Variants in FBXL3 observed in about 807,000 individuals in gnomAD.
FBXL3 encodes the protein F-box/LRR-repeat protein 3.
In FBXL3, 14 loss-of-function variants were observed where a neutral mutation model predicts 37.9. That is an observed-to-expected ratio of 0.37 (90% CI 0.24 to 0.58). FBXL3 has a LOEUF of 0.58. FBXL3 is among the 20% of genes least tolerant of loss of function. FBXL3 has a pLI of 0.74. For synonymous variants in FBXL3, 194 were observed against 180.1 expected, an observed-to-expected ratio of 1.08 and a Z score of -0.62; for missense variants, 327 against 511.1, an observed-to-expected ratio of 0.64 and a Z score of 3.47.
At chr13:77,022,959 A>G (rs1216698959) in intron 1 of FBXL3, among the ~76,000 whole-genome samples, 1 of 152,194 alleles carries the variant, frequency 6.6e-6, no homozygotes, top group Non-Finnish European at 1.5e-5. Flanking sequence ...TTAATAAAAC[A>G]GGGTTTCTGT....
At chr13:77,025,569 T>C (rs1197748145) in intron 1 of FBXL3, among the ~76,000 whole-genome samples, 3 of 150,766 alleles carry the variant, frequency 2.0e-5, no homozygotes, top group Non-Finnish European at 4.4e-5. Context: ...AAAAATTAGC[T>C]GGGCATGGTG....
chr13:77,016,263 G>A (rs1401827512), intron 3 of FBXL3: 3 of 151,966 alleles, frequency 2.0e-5, no homozygotes, highest in Admixed American at 2.0e-4. Flanking sequence ...ACACACACAC[G>A]TTATATATCT....
intron 3 of FBXL3, 177 bp downstream of exon 3, chr13:77,018,423 A>T (rs1370289945): frequency 9.7e-3 from 109 of 11,232 alleles, no homozygotes; most frequent in African/African-American, 0.071. Flanking sequence ...TGGTGATTTA[A>T]AAAAAAAAAA....
intron 2 of FBXL3, among the ~76,000 whole-genome samples, chr13:77,019,841 T>TA (rs766215711): frequency 6.3e-4 from 93 of 147,398 alleles, no homozygotes; most frequent in East Asian, 4.5e-3. Flanking sequence ...TCAGGAAAAT[T>TA]AAAAAAAAAA....
At chr13:77,015,736 A>G (rs1196020537) in intron 3 of FBXL3, 156 bp from the exon 4 acceptor site, 3 of 425,726 alleles carry the variant, frequency 7.0e-6, no homozygotes, top group Admixed American at 8.8e-5. Context: ...TGTTGGGAAT[A>G]TGGTAAAAAT....
chr13:77,026,593 G>C (rs2034843334), intron 1 of FBXL3, among the ~76,000 whole-genome samples: 1 of 152,098 alleles, frequency 6.6e-6, no homozygotes. Flanking sequence ...CACGCACCAC[G>C]CCTTGTTGAC....
At chr13:77,025,197 G>A (rs1026228632) in intron 1 of FBXL3, among the ~76,000 whole-genome samples, 5 of 152,130 alleles carry the variant, frequency 3.3e-5, no homozygotes, top group African/African-American at 1.2e-4. Flanking sequence ...ACTATAAAAC[G>A]TCAATGAGAC....
intron 4 of FBXL3, chr13:77,013,989 T>C (rs186802097): frequency 6.6e-5 from 10 of 152,312 alleles, no homozygotes; most frequent in Admixed American, 1.3e-4. Context: ...TAAAGACTCA[T>C]ACAATGTGTT....
intron 1 of FBXL3, among the ~76,000 whole-genome samples, chr13:77,022,976 T>C (rs906639886): frequency 6.6e-6 from 1 of 152,156 alleles, no homozygotes; most frequent in Non-Finnish European, 1.5e-5. Context: ...CTGTGAGAAA[T>C]GCAATACTAT....
chr13:77,018,999 TAA>T (rs1479546386), intron 2 of FBXL3: 1 of 256,080 alleles, frequency 3.9e-6, no homozygotes, highest in African/African-American at 2.2e-5. Flanking sequence ...TTCATTATGA[TAA>T]GAGACATATT....
intron 1 of FBXL3, among the ~76,000 whole-genome samples, chr13:77,025,805 A>G (rs541953409): frequency 2.4e-4 from 37 of 152,122 alleles, no homozygotes; most frequent in Non-Finnish European, 5.1e-4. Flanking sequence ...TGGGCATGCA[A>G]TAATTTTAAA....
intron 4 of FBXL3, chr13:77,011,047 A>T (rs1468857868): frequency 6.6e-6 from 1 of 152,230 alleles, no homozygotes; most frequent in Non-Finnish European, 1.5e-5. Context: ...AAATTAGAAA[A>T]TAGGCAAAGG....
At chr13:77,026,236 A>C in intron 1 of FBXL3, 6 of 985,374 alleles carry the variant, frequency 6.1e-6, no homozygotes, top group Non-Finnish European at 6.0e-6. Context: ...AACCCCACCT[A>C]AAGGACTGCC....
intron 1 of FBXL3, among the ~76,000 whole-genome samples, chr13:77,023,345 A>AGTGTGTGTGTGT (rs3037568): frequency 3.4e-5 from 5 of 147,502 alleles, no homozygotes; most frequent in Admixed American, 2.0e-4. Flanking sequence ...AGAGAGAGAG[A>AGTGTGTGTGTGT]GTGTGTGTGT....
At chr13:77,023,879 G>A (rs958111930) in intron 1 of FBXL3, among the ~76,000 whole-genome samples, 2 of 152,238 alleles carry the variant, frequency 1.3e-5, no homozygotes, top group Non-Finnish European at 2.9e-5. Flanking sequence ...GAGGGCTGGA[G>A]AGTAAAAAGA....
intron 4 of FBXL3, chr13:77,009,804 GT>G (rs1169096262): frequency 6.6e-6 from 1 of 152,146 alleles, no homozygotes; most frequent in African/African-American, 2.4e-5. Flanking sequence ...ACATGCCCAT[GT>G]ATGTTTACTG....
chr13:77,017,064 A>G (rs538434951), intron 3 of FBXL3: 2 of 89,158 alleles, frequency 2.2e-5, no homozygotes, highest in African/African-American at 5.3e-5. Context: ...GGACAAAAAC[A>G]TTTCTTCTAT....
At chr13:77,011,648 AG>A in intron 4 of FBXL3, among the ~76,000 whole-genome samples, 1 of 150,474 alleles carries the variant, frequency 6.6e-6, no homozygotes, top group East Asian at 2.0e-4. Flanking sequence ...GTTTAAGCCC[AG>A]GAGGTCCAGA....
At chr13:77,016,348 C>CA (rs763558570) in intron 3 of FBXL3, 7 of 152,174 alleles carry the variant, frequency 4.6e-5, no homozygotes, top group Non-Finnish European at 1.0e-4. Flanking sequence ...ATGCAGCTCT[C>CA]AATCGGAGCT....
Sources: allele counts gnomAD v4.1 joint callset (sites outside exome capture counted in the v4.1 genomes callset), GRCh38; gene constraint gnomAD v4.1.1; transcripts MANE v1.5; gene names NCBI Gene and HGNC (gene_info 2026-07-23, HGNC 2026-07-21).